The following BAZ2B variants were observed in gnomAD, a reference collection of about 807,000 sequenced individuals.
The protein encoded by BAZ2B is bromodomain adjacent to zinc finger domain 2B, also known as bromodomain adjacent to zinc finger domain protein 2B.
A neutral mutation model predicts 246.0 loss-of-function variants in BAZ2B; 91 were observed. The ratio of observed to expected loss-of-function variants is 0.37; its 90% confidence interval spans 0.31 to 0.44. BAZ2B has a LOEUF of 0.44. Ranked by LOEUF, BAZ2B falls within the 20% of genes least tolerant of loss-of-function variation. The pLI is 1.00. For missense variants in BAZ2B, 2,332 were observed against 2,533.7 expected, an observed-to-expected ratio of 0.92 and a Z score of 1.71; for synonymous variants, 855 against 860.0, an observed-to-expected ratio of 0.99 and a Z score of 0.10.
At chr2:159,546,860 G>C (rs1264285375) in intron 2 of BAZ2B, among the ~76,000 whole-genome samples, 2 of 152,030 alleles carry the variant, frequency 1.3e-5, no homozygotes, top group African/African-American at 4.8e-5. Flanking sequence ...AAATCTGAAA[G>C]GCAGAAATGA....
At chr2:159,390,882 A>C (rs75843722) in intron 20 of BAZ2B, among the ~76,000 whole-genome samples, 1 of 152,198 alleles carries the variant, frequency 6.6e-6, no homozygotes, top group Non-Finnish European at 1.5e-5. Flanking sequence ...AAGGAAGCTT[A>C]TAAGATTGTT....
the BAZ2B span, among the ~76,000 whole-genome samples, chr2:159,636,615 G>A: frequency 2.2e-4 from 33 of 152,284 alleles, no homozygotes; most frequent in East Asian, 1.2e-3. Flanking sequence ...GACAGTCTAG[G>A]ACACAAGGAC....
chr2:159,439,238 A>G, intron 6 of BAZ2B, 26 bp from the exon 7 acceptor site: 1 of 1,578,096 alleles, frequency 6.3e-7, no homozygotes, highest in Non-Finnish European at 8.6e-7. Context: ...GTAGTTGGCA[A>G]GACTTTATTT....
intron 1 of BAZ2B, among the ~76,000 whole-genome samples, chr2:159,605,890 G>A (rs1038231842): frequency 3.3e-5 from 5 of 152,254 alleles, no homozygotes; most frequent in African/African-American, 1.2e-4. Context: ...TTTGGCAAGT[G>A]TACCTACAAA....
At chr2:159,663,926 G>A in the BAZ2B span, among the ~76,000 whole-genome samples, 1 of 100,984 alleles carries the variant, frequency 9.9e-6, no homozygotes, top group Non-Finnish European at 1.9e-5. Flanking sequence ...TGCACATTGT[G>A]CAGGTTAGTT....
At chr2:159,455,232 A>T (rs1019749357) in intron 3 of BAZ2B, among the ~76,000 whole-genome samples, 2 of 151,466 alleles carry the variant, frequency 1.3e-5, no homozygotes, top group African/African-American at 2.5e-5. Context: ...TTTAGTTATC[A>T]ACCAAATCTC....
chr2:159,347,353 C>T, intron 31 of BAZ2B, 133 bp downstream of exon 31: 3 of 1,085,224 alleles, frequency 2.8e-6, no homozygotes, highest in Non-Finnish European at 4.0e-6. Flanking sequence ...CAAATTAATC[C>T]AGGATTGTTT....
intron 1 of BAZ2B, among the ~76,000 whole-genome samples, chr2:159,595,011 T>C (rs62171604): frequency 0.065 from 9,946 of 152,290 alleles, 421 homozygotes; most frequent in Middle Eastern, 0.18. Flanking sequence ...TTAGGTAGCC[T>C]AAAACCTTGG....
chr2:159,697,305 T>C, the BAZ2B span, among the ~76,000 whole-genome samples: 24 of 152,330 alleles, frequency 1.6e-4, no homozygotes, highest in East Asian at 4.0e-3. Flanking sequence ...TTAAGGATAA[T>C]ATTGAAATTG....
chr2:159,395,865 C>G, intron 19 of BAZ2B, 31 bp from the exon 20 acceptor site: 2 of 1,560,946 alleles, frequency 1.3e-6, no homozygotes, highest in Non-Finnish European at 8.7e-7. Flanking sequence ...TGGAAAATAA[C>G]TCAGCCACAA....
chr2:159,346,044 AAT>A (rs1435121577), intron 31 of BAZ2B, among the ~76,000 whole-genome samples: 1 of 152,232 alleles, frequency 6.6e-6, no homozygotes, highest in African/African-American at 2.4e-5. Flanking sequence ...CAGAAAATAA[AAT>A]AGTGTGAAAG....
chr2:159,686,803 G>A, the BAZ2B span, among the ~76,000 whole-genome samples: 5 of 152,248 alleles, frequency 3.3e-5, no homozygotes, highest in South Asian at 4.1e-4. Flanking sequence ...AGCACTTTGG[G>A]AGGCCAAGGC....
chr2:159,474,464 T>C (rs944752438), intron 3 of BAZ2B, among the ~76,000 whole-genome samples: 3 of 152,328 alleles, frequency 2.0e-5, no homozygotes, highest in Admixed American at 2.0e-4. Flanking sequence ...GCCCATGAGA[T>C]GGGGCTCCTG....
At chr2:159,698,039 G>C in the BAZ2B span, among the ~76,000 whole-genome samples, 1 of 152,094 alleles carries the variant, frequency 6.6e-6, no homozygotes, top group African/African-American at 2.4e-5. Context: ...TTATAAGAGA[G>C]ATTTTGAAAG....
At chr2:159,647,094 T>C in the BAZ2B span, among the ~76,000 whole-genome samples, 5 of 152,286 alleles carry the variant, frequency 3.3e-5, no homozygotes, top group Admixed American at 6.5e-5. Flanking sequence ...ACATTTTAGG[T>C]ATTTGTACAG....
At chr2:159,389,808 A>T (rs925514408) in intron 20 of BAZ2B, among the ~76,000 whole-genome samples, 7 of 152,196 alleles carry the variant, frequency 4.6e-5, no homozygotes, top group African/African-American at 1.7e-4. Flanking sequence ...GGCTCCAGCA[A>T]GCAAATGATT....
the BAZ2B span, among the ~76,000 whole-genome samples, chr2:159,622,610 T>C: frequency 5.3e-5 from 8 of 152,180 alleles, no homozygotes; most frequent in Non-Finnish European, 8.8e-5. Context: ...TTGCAACTTA[T>C]ATGAGACAGT....
chr2:159,499,041 G>A (rs1245012393), intron 2 of BAZ2B, among the ~76,000 whole-genome samples: 1 of 151,716 alleles, frequency 6.6e-6, no homozygotes, highest in Non-Finnish European at 1.5e-5. Context: ...TAAGTTCAGG[G>A]GTACAGGTAC....
At chr2:159,485,781 TATC>T (rs2079755838) in intron 2 of BAZ2B, among the ~76,000 whole-genome samples, 1 of 152,144 alleles carries the variant, frequency 6.6e-6, no homozygotes, top group Non-Finnish European at 1.5e-5. Context: ...ATTTTGTCCT[TATC>T]ATTCTTTTCA....
Sources: gnomAD v4.1 joint callset for allele counts (sites outside exome capture counted in the v4.1 genomes callset) on GRCh38, gnomAD v4.1.1 for gene constraint, MANE v1.5 for transcripts, NCBI Gene and HGNC (gene_info 2026-07-23, HGNC 2026-07-21) for gene names.